Variants in DPT observed in about 807,000 individuals in gnomAD.
DPT encodes the protein tyrosine-rich acidic matrix protein.
In DPT, 21 loss-of-function variants were observed where a neutral mutation model predicts 31.2. That is an observed-to-expected ratio of 0.67 (90% CI 0.48 to 0.97). The LOEUF is 0.97. Ranked by LOEUF, DPT falls within the 50% of genes least tolerant of loss-of-function variation. The pLI is 0.00. For synonymous variants in DPT, 91 were observed against 86.9 expected (o/e 1.05, Z -0.26); for missense variants, 262 against 258.8 (o/e 1.01, Z -0.08).
At chr1:168,727,281 C>G (rs562957859) in intron 1 of DPT, among the ~76,000 whole-genome samples, 1 of 152,336 alleles carries the variant, frequency 6.6e-6, no homozygotes, top group African/African-American at 2.4e-5. Context: ...TACTGGATCT[C>G]TAGACTGCAG....
chr1:168,702,629 T>TTTTTA (rs397744266), intron 2 of DPT, among the ~76,000 whole-genome samples: 1 of 150,968 alleles, frequency 6.6e-6, no homozygotes, highest in African/African-American at 2.4e-5. Context: ...TTTTTTTTTT[T>TTTTTA]GAGACCAAGT....
At chr1:168,706,797 C>T (rs1203631732) in intron 2 of DPT, among the ~76,000 whole-genome samples, 1 of 152,208 alleles carries the variant, frequency 6.6e-6, no homozygotes, top group Non-Finnish European at 1.5e-5. Context: ...GAACACTTTC[C>T]AAATTGCTCT....
In DPT at chr1:168,709,744, T is replaced by C. The variant is rs183086555; in HGVS notation, c.431+4477A>G. The stretch of plus-strand genomic sequence containing the variant: ...GGGAAAAATGTCGTTCCCACCCACA[T>C]GGGTCCAGTTCCCTGGGAGGTAATT... On this transcript the variant is annotated intron_variant, in intron 2 of 3. Coordinates refer to ENST00000367817, the MANE Select transcript of DPT (RefSeq NM_001937.5). 2.0e-5 allele frequency among the ~76,000 whole-genome samples: 3 copies of C among 152,300 alleles called. No homozygotes were observed. The East Asian group carries it at 5.8e-4, about 29-fold the overall frequency.
At chr1:168,722,648 A>C (rs1008056528) in intron 1 of DPT, among the ~76,000 whole-genome samples, 1 of 152,196 alleles carries the variant, frequency 6.6e-6, no homozygotes, top group Non-Finnish European at 1.5e-5. Flanking sequence ...CCCTAAGGAC[A>C]CAAGTTAATG....
intron 3 of DPT, among the ~76,000 whole-genome samples, chr1:168,700,614 C>T (rs1649572965): frequency 6.6e-6 from 1 of 152,182 alleles, no homozygotes; most frequent in Non-Finnish European, 1.5e-5. Context: ...AGGAAAAGTG[C>T]TCTTTGAAAT....
chr1:168,720,666 C>A (rs955303538), intron 1 of DPT, among the ~76,000 whole-genome samples: 3 of 152,170 alleles, frequency 2.0e-5, no homozygotes, highest in Admixed American at 1.3e-4. Flanking sequence ...TCCAACCCCA[C>A]TGCAGAGATG....
intron 3 of DPT, 136 bp downstream of exon 3, chr1:168,700,881 T>A: frequency 1.6e-6 from 1 of 614,240 alleles, no homozygotes; most frequent in East Asian, 2.9e-5. Flanking sequence ...AATTTTCACT[T>A]GTATTCTACG....
chr1:168,725,454 A>T (rs1366254204), intron 1 of DPT, among the ~76,000 whole-genome samples: 1 of 152,060 alleles, frequency 6.6e-6, no homozygotes, highest in Non-Finnish European at 1.5e-5. Context: ...CTTCCGCTAC[A>T]CAGTAGCTCA....
At chr1:168,722,697 C>T (rs1650146368) in intron 1 of DPT, among the ~76,000 whole-genome samples, 1 of 152,104 alleles carries the variant, frequency 6.6e-6, no homozygotes, top group African/African-American at 2.4e-5. Context: ...AACAACAGTT[C>T]TAGGGAGGTG....
intron 1 of DPT, 74 bp from the exon 2 acceptor site, chr1:168,714,420 A>G: frequency 1.3e-6 from 2 of 1,556,782 alleles, no homozygotes; most frequent in African/African-American, 1.4e-5. Flanking sequence ...CCCCACTGCC[A>G]CAGTTACACA....
chr1:168,707,849 C>A (rs1352216908), intron 2 of DPT, among the ~76,000 whole-genome samples: 3 of 152,144 alleles, frequency 2.0e-5, no homozygotes, highest in Non-Finnish European at 2.9e-5. Context: ...GAGGCCTCCC[C>A]AGCCCTGTGG....
At chr1:168,700,422 G>A (rs2101898692) in intron 3 of DPT, among the ~76,000 whole-genome samples, 1 of 152,262 alleles carries the variant, frequency 6.6e-6, no homozygotes, top group African/African-American at 2.4e-5. Flanking sequence ...ATGTGGTATA[G>A]CAGCCCAGAC....
At chr1:168,725,340 T>C (rs1352542473) in intron 1 of DPT, among the ~76,000 whole-genome samples, 1 of 151,394 alleles carries the variant, frequency 6.6e-6, no homozygotes, top group Non-Finnish European at 1.5e-5. Flanking sequence ...CTCTCTCTCT[T>C]TCTTTCTTTC....
intron 3 of DPT, among the ~76,000 whole-genome samples, chr1:168,698,720 A>G (rs1268548585): frequency 6.6e-6 from 1 of 152,184 alleles, no homozygotes; most frequent in Non-Finnish European, 1.5e-5. Context: ...ACCCTGAAAC[A>G]AAGAAATATC....
chr1:168,698,485 A>G (rs1649513385), intron 3 of DPT, among the ~76,000 whole-genome samples: 1 of 152,170 alleles, frequency 6.6e-6, no homozygotes, highest in Non-Finnish European at 1.5e-5. Flanking sequence ...AGGCATTCAA[A>G]CTACTCTTTT....
chr1:168,729,034 G>A lies in DPT; in HGVS notation c.141C>T (p.Ser47=), dbSNP rs1312227529. ...GWVNLNRQGF[S]YQCPQGQVIV... is the part of the protein sequence containing the mutation. Reference sequence around the variant, plus strand: ...TCACCTGCCCCTGGGGACACTGGTAGCTGAAGCCTTGCCGGTTCAAATTCA... The same window carrying A: ...TCACCTGCCCCTGGGGACACTGGTAACTGAAGCCTTGCCGGTTCAAATTCA... Residue 47 remains serine (S), a synonymous_variant, in exon 1 of 4, where the codon AGC becomes AGT. Coordinates refer to ENST00000367817, the MANE Select transcript of DPT (RefSeq NM_001937.5). 6.2e-7 allele frequency: 1 copy of A among 1,614,224 alleles called. No homozygotes were observed. The highest frequency in any genetic ancestry group is 1.1e-5 in the South Asian group (1 of 91,084).
At chr1:168,696,783 G>A (rs956238322) in intron 3 of DPT, among the ~76,000 whole-genome samples, 168 bp from the exon 4 acceptor site, 5 of 152,136 alleles carry the variant, frequency 3.3e-5, no homozygotes, top group Admixed American at 6.6e-5. Context: ...CCCAAGAACC[G>A]ACAAATCTGT....
At chr1:168,710,999 CTTTT>C (rs770932865) in intron 2 of DPT, among the ~76,000 whole-genome samples, 1 of 147,476 alleles carries the variant, frequency 6.8e-6, no homozygotes, top group African/African-American at 2.5e-5. Context: ...GACAACTTTG[CTTTT>C]TTTTTTCTTC....
intron 2 of DPT, 53 bp downstream of exon 2, chr1:168,714,168 G>A: frequency 1.9e-6 from 3 of 1,612,112 alleles, no homozygotes; most frequent in Middle Eastern, 1.7e-4. Context: ...GCACTTCCTA[G>A]GTGCCTCTCC....
Sources: allele counts gnomAD v4.1 joint callset (sites outside exome capture counted in the v4.1 genomes callset), GRCh38; gene constraint gnomAD v4.1.1; transcripts MANE v1.5; gene names NCBI Gene and HGNC (gene_info 2026-07-23, HGNC 2026-07-21).